The following ASTN2 variants were observed in gnomAD, a reference collection of about 807,000 sequenced individuals.
The protein encoded by ASTN2 is astrotactin-2.
A neutral mutation model predicts 139.8 loss-of-function variants in ASTN2; 54 were observed. The observed-to-expected ratio is 0.39, with a 90% CI of 0.31 to 0.48. The LOEUF is 0.48. Ranked by LOEUF, ASTN2 falls within the 20% of genes least tolerant of loss-of-function variation. The probability of loss-of-function intolerance (pLI) is 0.95; values close to 1 mark genes in which losing one functional copy is unlikely to be tolerated. For synonymous variants in ASTN2, 756 were observed against 719.5 expected, an observed-to-expected ratio of 1.05 and a Z score of -0.81; for missense variants, 1,565 against 1,725.1, an observed-to-expected ratio of 0.91 and a Z score of 1.64.
intron 1 of ASTN2, among the ~76,000 whole-genome samples, chr9:117,353,874 A>T (rs1340119181): frequency 6.6e-6 from 1 of 152,182 alleles, no homozygotes; most frequent in Non-Finnish European, 1.5e-5. Context: ...CAGCAAAAAG[A>T]CCAGCGATAG....
intron 1 of ASTN2, among the ~76,000 whole-genome samples, chr9:117,361,802 T>C (rs545749649): frequency 1.3e-5 from 2 of 152,040 alleles, no homozygotes; most frequent in South Asian, 4.1e-4. Context: ...CTTCCTCATA[T>C]ATAAAAAATA....
chr9:116,863,473 G>A, intron 11 of ASTN2, 110 bp downstream of exon 11: 1 of 1,406,308 alleles, frequency 7.1e-7, no homozygotes, highest in Non-Finnish European at 9.7e-7. Flanking sequence ...GCAGATAAGG[G>A]TAGTGTGGAT....
intron 2 of ASTN2, among the ~76,000 whole-genome samples, chr9:117,285,620 G>A (rs7039909): frequency 0.07 from 10,638 of 152,092 alleles, 539 homozygotes; most frequent in African/African-American, 0.13. Context: ...TAAATTGGAG[G>A]CAACTACAAT....
chr9:117,010,961 T>G (rs1837512465), intron 6 of ASTN2, among the ~76,000 whole-genome samples: 1 of 152,108 alleles, frequency 6.6e-6, no homozygotes, highest in African/African-American at 2.4e-5. Flanking sequence ...AAGGAAGGCA[T>G]TTCTCAAAAA....
intron 16 of ASTN2, among the ~76,000 whole-genome samples, chr9:116,692,528 C>T (rs1009381596): frequency 4.6e-5 from 7 of 152,140 alleles, no homozygotes; most frequent in Non-Finnish European, 8.8e-5. Context: ...ATTTTAAAGT[C>T]CCTTTCCATA....
At chr9:117,080,971 C>T (rs1486971993) in intron 5 of ASTN2, among the ~76,000 whole-genome samples, 1 of 152,258 alleles carries the variant, frequency 6.6e-6, no homozygotes, top group African/African-American at 2.4e-5. Flanking sequence ...GATAGAGAGC[C>T]AAGGGGACTT....
At chr9:116,435,656 C>A (rs975053693) in intron 22 of ASTN2, among the ~76,000 whole-genome samples, 10 of 152,200 alleles carry the variant, frequency 6.6e-5, no homozygotes, top group African/African-American at 2.2e-4. Context: ...TCCCTTCCAC[C>A]TGGAGGACCC....
chr9:117,357,020 T>G (rs1226114837), intron 1 of ASTN2, among the ~76,000 whole-genome samples: 1 of 152,054 alleles, frequency 6.6e-6, no homozygotes, highest in East Asian at 1.9e-4. Flanking sequence ...GCCGACATCA[T>G]GCCACTGCAC....
chr9:116,523,418 A>G (rs1312647746), intron 19 of ASTN2, among the ~76,000 whole-genome samples: 2 of 152,148 alleles, frequency 1.3e-5, no homozygotes, highest in African/African-American at 4.8e-5. Context: ...GTAAACCAGG[A>G]GCATTGCAGA....
At chr9:117,337,606 G>A (rs1828927289) in intron 1 of ASTN2, among the ~76,000 whole-genome samples, 1 of 152,198 alleles carries the variant, frequency 6.6e-6, no homozygotes, top group Non-Finnish European at 1.5e-5. Context: ...ACTCTTAAGT[G>A]TATTCTGTGC....
chr9:117,018,350 T>C (rs553344923), intron 6 of ASTN2, among the ~76,000 whole-genome samples: 2 of 152,244 alleles, frequency 1.3e-5, no homozygotes, highest in South Asian at 2.1e-4. Context: ...TCCCAAGAAA[T>C]CTGCAGAAAC....
At chr9:117,235,433 G>A (rs1216857550) in intron 2 of ASTN2, among the ~76,000 whole-genome samples, 2 of 152,138 alleles carry the variant, frequency 1.3e-5, no homozygotes, top group Non-Finnish European at 2.9e-5. Context: ...TCCGGGTCAC[G>A]AAATTAATCT....
chr9:116,975,491 A>G, intron 9 of ASTN2, 146 bp from the exon 10 acceptor site: 2 of 746,000 alleles, frequency 2.7e-6, no homozygotes, highest in East Asian at 3.0e-5. Flanking sequence ...ATGTTGGCCA[A>G]CTTTCTCCAG....
intron 13 of ASTN2, among the ~76,000 whole-genome samples, chr9:116,745,102 C>A (rs1829200049): frequency 1.3e-5 from 2 of 152,222 alleles, no homozygotes; most frequent in Non-Finnish European, 2.9e-5. Context: ...CTAATCACAT[C>A]TGATGCTCCT....
chr9:116,649,238 T>C (rs1299054038), intron 17 of ASTN2, among the ~76,000 whole-genome samples: 1 of 152,056 alleles, frequency 6.6e-6, no homozygotes, highest in Non-Finnish European at 1.5e-5. Flanking sequence ...GGTGTAGGTA[T>C]GCTTTAACTT....
chr9:117,301,994 A>G (rs1834886542), intron 1 of ASTN2, among the ~76,000 whole-genome samples: 1 of 11,332 alleles, frequency 8.8e-5, no homozygotes, highest in African/African-American at 9.6e-5. Flanking sequence ...CATTTAGCCT[A>G]TGGAACTCCC....
intron 19 of ASTN2, among the ~76,000 whole-genome samples, chr9:116,571,249 A>G (rs565775986): frequency 4.5e-4 from 68 of 152,306 alleles, no homozygotes; most frequent in Non-Finnish European, 1.8e-4. Flanking sequence ...GGTTTCCCCA[A>G]GGGAGCCACC....
chr9:117,276,086 T>C (rs984548203), intron 2 of ASTN2, among the ~76,000 whole-genome samples: 14 of 152,308 alleles, frequency 9.2e-5, no homozygotes, highest in African/African-American at 3.4e-4. Flanking sequence ...GTTCTATTAA[T>C]GTTAGTTGGT....
intron 17 of ASTN2, 46 bp from the exon 18 acceptor site, chr9:116,620,489 A>G (rs2295741): frequency 0.44 from 715,831 of 1,610,216 alleles, 162,318 homozygotes; most frequent in Admixed American, 0.59. Context: ...ACAACAGGGG[A>G]GAGATTGAGA....
Sources: gnomAD v4.1 joint callset for allele counts (sites outside exome capture counted in the v4.1 genomes callset) on GRCh38, gnomAD v4.1.1 for gene constraint, MANE v1.5 for transcripts, NCBI Gene and HGNC (gene_info 2026-07-23, HGNC 2026-07-21) for gene names.